Variants in ANKRD42 observed in about 807,000 individuals in gnomAD.
ANKRD42 encodes ankyrin repeat domain-containing protein 42.
A neutral mutation model predicts 51.5 loss-of-function variants in ANKRD42; 43 were observed. That is an observed-to-expected ratio of 0.83 (90% CI 0.65 to 1.08). ANKRD42 has a LOEUF of 1.08. Among genes scored for constraint, ANKRD42 ranks in the 50% least tolerant of loss-of-function variants. The pLI, the probability that ANKRD42 is intolerant of heterozygous loss-of-function variation, is 0.00. For missense variants in ANKRD42, 608 were observed against 629.3 expected, an observed-to-expected ratio of 0.97 and a Z score of 0.36; for synonymous variants, 203 against 213.0, an observed-to-expected ratio of 0.95 and a Z score of 0.41.
chr11:83,228,943 GTTTTTTTTTGT>G (rs1336088530), intron 7 of ANKRD42, among the ~76,000 whole-genome samples: 12 of 74,162 alleles, frequency 1.6e-4, no homozygotes, highest in South Asian at 4.7e-4. Context: ...AGTTTTTTTT[GTTTTTTTTTGT>G]TTTTTTTTTA....
At chr11:83,206,380 C>T (rs562935585) in intron 3 of ANKRD42, among the ~76,000 whole-genome samples, 1 of 152,068 alleles carries the variant, frequency 6.6e-6, no homozygotes, top group South Asian at 2.1e-4. Flanking sequence ...AGTTGGCTGT[C>T]TGCGTTGTTT....
chr11:83,246,885 G>T (rs1372863895), intron 10 of ANKRD42, among the ~76,000 whole-genome samples: 1 of 152,142 alleles, frequency 6.6e-6, no homozygotes, highest in African/African-American at 2.4e-5. Context: ...TGGATACTTG[G>T]GAATTTAAAC....
At chr11:83,211,867 A>G (rs1862334906) in intron 5 of ANKRD42, among the ~76,000 whole-genome samples, 1 of 152,098 alleles carries the variant, frequency 6.6e-6, no homozygotes, top group African/African-American at 2.4e-5. Flanking sequence ...GAAGTAGTAT[A>G]TATGTTGACA....
intron 9 of ANKRD42, among the ~76,000 whole-genome samples, chr11:83,241,811 A>T (rs932539074): frequency 2.6e-5 from 4 of 152,208 alleles, no homozygotes; most frequent in African/African-American, 7.2e-5. Context: ...ATTTAAAAAC[A>T]GTATCACTCT....
intron 10 of ANKRD42, among the ~76,000 whole-genome samples, chr11:83,246,550 G>A (rs1863548388): frequency 6.6e-6 from 1 of 152,174 alleles, no homozygotes; most frequent in Non-Finnish European, 1.5e-5. Flanking sequence ...AATGGACAGG[G>A]AGCAGAGAGA....
intron 5 of ANKRD42, chr11:83,213,687 A>G (rs564554092): frequency 2.8e-5 from 13 of 459,558 alleles, no homozygotes; most frequent in Non-Finnish European, 4.1e-5. Context: ...TGTGTGTGTG[A>G]TGTACTAGTT....
At position 83,248,587 on chromosome 11, in the gene ANKRD42, T is replaced by A. The variant is rs116586663; in HGVS notation, c.*383T>A. On this transcript the variant is annotated 3_prime_UTR_variant, in exon 11 of 11. Coordinates refer to ENST00000533342, the MANE Select transcript of ANKRD42 (RefSeq NM_001300975.2). ...AGGGAAGTTTCTTCATCAATCATCATGGATGAATTAATTCTGTTTGAGGCT... is the reference window on the plus strand; with the variant it reads ...AGGGAAGTTTCTTCATCAATCATCAAGGATGAATTAATTCTGTTTGAGGCT... 4.4e-4 allele frequency: 435 copies of A among 988,944 alleles called. No individual in the cohort carries two copies. The African/African-American group carries it at 7.0e-3, about 16-fold the overall frequency. 61.3% of individuals were successfully genotyped at this position (988,944 alleles called of 1,614,324 possible). A position where few individuals can be genotyped will look rare whatever the true frequency, so the allele number is the denominator to read the frequency against.
In ANKRD42 at chr11:83,245,615, A is replaced by G; in HGVS notation, c.1313A>G (p.Glu438Gly). ...EDLKQKKEQL[E>G]SEKTIKELQG... ...TTAAAGCAGAAGAAAGAACAGCTTG[A>G]GTCTGAAAAGTAATGTCCTTAAAAC... Residue 438 changes from glutamate (E) to glycine (G), a missense_variant, in exon 10 of 11, where the codon GAG becomes GGG. By Grantham distance (98) the Glu-to-Gly change is moderately conservative. Coordinates refer to ENST00000533342, the MANE Select transcript of ANKRD42 (RefSeq NM_001300975.2). 1 of 1,535,694 alleles carries G rather than the reference A, an allele frequency of 6.5e-7. No individual in the cohort carries two copies.
At chr11:83,212,944 A>G in intron 5 of ANKRD42, 2 of 1,526,816 alleles carry the variant, frequency 1.3e-6, no homozygotes, top group Non-Finnish European at 1.7e-6. Flanking sequence ...AGTCTCAAAA[A>G]ACAAAAAGCC....
Position 83,248,381 on chromosome 11 carries a change from T to G in ANKRD42, c.*177T>G. Reference sequence around the variant, plus strand: ...TTCTAGATACATACACACATCTGTCTATCTATCTTCAAACAGCAGCCTAGT... The same window carrying G: ...TTCTAGATACATACACACATCTGTCGATCTATCTTCAAACAGCAGCCTAGT... On this transcript the variant is annotated 3_prime_UTR_variant, in exon 11 of 11. Coordinates refer to ENST00000533342, the MANE Select transcript of ANKRD42 (RefSeq NM_001300975.2). 8.2e-7 allele frequency: 1 copy of G among 1,212,210 alleles called. No individual in the cohort carries two copies. The highest frequency in any genetic ancestry group is 1.1e-6 in the Non-Finnish European group (1 of 949,878). The allele number at this position is 1,212,210 out of a possible 1,614,324, so 75.1% of individuals were successfully genotyped here.
chr11:83,255,484 T>C (rs1434287705), intron 11 of ANKRD42, among the ~76,000 whole-genome samples: 1 of 152,164 alleles, frequency 6.6e-6, no homozygotes, highest in African/African-American at 2.4e-5. Context: ...ATACTAACAC[T>C]TGCAGTTACC....
downstream of ANKRD42, chr11:83,261,921 A>C (rs754651505): frequency 9.3e-6 from 15 of 1,605,520 alleles, no homozygotes; most frequent in South Asian, 1.7e-4. Context: ...CTACTTCCAG[A>C]ATCTATAAAA....
At chr11:83,214,319 T>C in intron 5 of ANKRD42, 2 of 561,452 alleles carry the variant, frequency 3.6e-6, no homozygotes, top group South Asian at 7.8e-5. Context: ...TATTTATCTT[T>C]CATATTTATA....
rs921650854 is a variant in ANKRD42, at chr11:83,206,057, G to T, written c.223-1G>T. 1 of 1,610,462 alleles carries T rather than the reference G, an allele frequency of 6.2e-7. No individual in the cohort carries two copies. The highest frequency in any genetic ancestry group is 8.5e-7 in the Non-Finnish European group (1 of 1,177,808). On this transcript the variant is annotated splice_acceptor_variant, in intron 2 of 10. Transcript: ENST00000533342. LOFTEE classifies it high-confidence loss of function. ...ACTTGTTAACATGGTTATTTTCTTA[G>T]TGTCTTCATTGGCTGCTCTGGCATG... is the stretch of plus-strand genomic sequence containing the variant.
downstream of ANKRD42, among the ~76,000 whole-genome samples, chr11:83,258,464 TGA>T (rs1863810246): frequency 6.6e-6 from 1 of 152,176 alleles, no homozygotes; most frequent in African/African-American, 2.4e-5. Context: ...AGTGACAGCA[TGA>T]GAGGGTGAGA....
At chr11:83,200,824 A>G (rs1243832033) in intron 2 of ANKRD42, among the ~76,000 whole-genome samples, 6 of 152,168 alleles carry the variant, frequency 3.9e-5, no homozygotes, top group Non-Finnish European at 8.8e-5. Context: ...TCTGCCCTCC[A>G]TAGGATAAAG....
chr11:83,222,339 G>A (rs928403925), intron 5 of ANKRD42, among the ~76,000 whole-genome samples: 1 of 152,144 alleles, frequency 6.6e-6, no homozygotes, highest in Non-Finnish European at 1.5e-5. Context: ...GTTATTTGGG[G>A]TGCTGGAGAT....
intron 2 of ANKRD42, among the ~76,000 whole-genome samples, chr11:83,203,714 C>T (rs17159804): frequency 0.021 from 3,211 of 152,122 alleles, 120 homozygotes; most frequent in African/African-American, 0.07. Context: ...TTGAGCACTA[C>T]GTTAACACCT....
intron 1 of ANKRD42, among the ~76,000 whole-genome samples, chr11:83,198,239 A>T (rs952189466): frequency 1.3e-5 from 2 of 152,100 alleles, no homozygotes; most frequent in Non-Finnish European, 2.9e-5. Flanking sequence ...GGTCCAAGAA[A>T]AGTTGTTCAT....
Sources: allele counts gnomAD v4.1 joint callset (sites outside exome capture counted in the v4.1 genomes callset), GRCh38; gene constraint gnomAD v4.1.1; transcripts MANE v1.5; gene names NCBI Gene and HGNC (gene_info 2026-07-23, HGNC 2026-07-21).